The following AVL9 variants were observed in gnomAD, a reference collection of about 807,000 sequenced individuals.
The protein encoded by AVL9 is AVL9 cell migration associated.
In AVL9, 49 loss-of-function variants were observed where a neutral mutation model predicts 79.2. That is an observed-to-expected ratio of 0.62 (90% CI 0.49 to 0.79). The LOEUF (loss-of-function observed/expected upper bound fraction) is 0.79. AVL9 is among the 30% of genes least tolerant of loss of function. The probability of loss-of-function intolerance (pLI) is 0.00; values close to 1 mark genes in which losing one functional copy is unlikely to be tolerated. For missense variants in AVL9, 682 were observed against 776.8 expected (o/e 0.88, Z 1.45); for synonymous variants, 299 against 280.6 (o/e 1.07, Z -0.65).
rs1791862195 is a variant in AVL9 at position 32,587,789 on chromosome 7, T to G, written c.*3882T>G. On this transcript the variant is annotated 3_prime_UTR_variant, in exon 16 of 16. Transcript: ENST00000318709. ...GTGAGGAGTTTTCTCATTCCAGTTC[T>G]TTGGACTTCGTAACATTGGAATTGT... is the stretch of plus-strand genomic sequence containing the variant. 1 of 152,230 alleles carries G rather than the reference T, an allele frequency of 6.6e-6. No individual in the cohort carries two copies. The highest frequency in any genetic ancestry group is 6.5e-5 in the Admixed American group (1 of 15,284). 9.4% of individuals were successfully genotyped at this position (152,230 alleles called of 1,614,324 possible). A position where few individuals can be genotyped will look rare whatever the true frequency, so the allele number is the denominator to read the frequency against.
Position 32,575,845 on chromosome 7 carries a change from T to A in AVL9, c.1571-110T>A, listed in dbSNP as rs1791070407. 7 of 711,562 alleles carry A rather than the reference T, an allele frequency of 9.8e-6. No individual in the cohort carries two copies. The Admixed American group carries it at 1.4e-4, about 14-fold the overall frequency. 44.1% of individuals were successfully genotyped at this position (711,562 alleles called of 1,614,324 possible). A position where few individuals can be genotyped will look rare whatever the true frequency, so the allele number is the denominator to read the frequency against. On this transcript the variant is annotated intron_variant, in intron 12 of 15. Transcript: ENST00000318709. ...ATCTGGTAGGCTATCTCCCCACAAATATGGGAGGGCAAGGGGATAAAGTCG... is the reference window on the plus strand; with the variant it reads ...ATCTGGTAGGCTATCTCCCCACAAAAATGGGAGGGCAAGGGGATAAAGTCG...
At chr7:32,579,459 T>TATATATA (rs1219410474) in intron 13 of AVL9, among the ~76,000 whole-genome samples, 1 of 5,388 alleles carries the variant, frequency 1.9e-4, no homozygotes, top group Non-Finnish European at 2.7e-4. Context: ...TATTATATAT[T>TATATATA]ATATATAATA....
intron 1 of AVL9, among the ~76,000 whole-genome samples, chr7:32,508,056 C>G (rs1052107482): frequency 6.6e-6 from 1 of 152,138 alleles, no homozygotes; most frequent in Non-Finnish European, 1.5e-5. Flanking sequence ...AAATCTTATC[C>G]TGTTTTTCAA....
intron 1 of AVL9, among the ~76,000 whole-genome samples, chr7:32,539,472 G>A (rs1419728452): frequency 2.0e-5 from 3 of 152,010 alleles, no homozygotes; most frequent in East Asian, 1.9e-4. Flanking sequence ...TCATTAACTT[G>A]TTCTCTCAAA....
chr7:32,496,933 T>G (rs1277398740), intron 1 of AVL9, among the ~76,000 whole-genome samples: 1 of 152,168 alleles, frequency 6.6e-6, no homozygotes, highest in Non-Finnish European at 1.5e-5. Context: ...AAACACTGTC[T>G]CCACAAAAAA....
At position 32,541,226 on chromosome 7, in the gene AVL9, G is replaced by A. The variant is rs908789238; in HGVS notation, c.94-1915G>A. ...TGTACTACTTTTTTTAGAATTTTCT[G>A]TATTAAACTTTTTGGACCCTAAAGA... is the stretch of plus-strand genomic sequence containing the variant. On this transcript the variant is annotated intron_variant, in intron 1 of 15. Transcript: ENST00000318709. Among the ~76,000 whole-genome samples the A allele has an allele frequency of 1.3e-5, 2 of 151,540 alleles. 1 individual carries two copies. Among genetic ancestry groups the A allele is most frequent in the East Asian group, 3.9e-4 (2 of 5,178 alleles).
intron 10 of AVL9, among the ~76,000 whole-genome samples, chr7:32,561,724 GCTAA>G (rs556378699): frequency 3.2e-4 from 46 of 145,834 alleles, no homozygotes; most frequent in African/African-American, 1.0e-3. Flanking sequence ...CGACAACTTG[GCTAA>G]CTGTTTGGTG....
Position 32,559,451 on chromosome 7 carries a change from C to A in AVL9, c.1202C>A (p.Ala401Asp). 6.5e-7 allele frequency: 1 copy of A among 1,542,582 alleles called. No individual in the cohort carries two copies. The highest frequency in any genetic ancestry group is 8.7e-7 in the Non-Finnish European group (1 of 1,147,688). ...GAGGATCAGTATGGCATGCCCCTGG[C>A]CATCTTCACAAAGGTAAAGTGTAAT... ...LEEDQYGMPL[A>D]IFTKGYLCLP... The change falls in exon 10 of 16, where the codon GCC becomes GAC. Residue 401 changes from alanine to aspartate, a missense_variant. Coordinates refer to ENST00000318709, the MANE Select transcript of AVL9 (RefSeq NM_015060.3).
rs1789659228 is a variant in AVL9, at chr7:32,548,847, G to A, written c.301G>A (p.Ala101Thr). The change falls in exon 4 of 16, where the codon GCA becomes ACA. Residue 101 changes from alanine to threonine, a missense_variant and splice_region_variant. By Grantham distance (58) the Ala-to-Thr change is moderately conservative (BLOSUM62 0). Coordinates refer to ENST00000318709, the MANE Select transcript of AVL9 (RefSeq NM_015060.3). ...ISCYRQIEAK[A>T]LKVRQADITR... Reference sequence around the variant, plus strand: ...ATAAATTGCTCTTTGTTCATAATAGGCACTGAAAGTAAGGCAAGCAGATAT... The same window carrying A: ...ATAAATTGCTCTTTGTTCATAATAGACACTGAAAGTAAGGCAAGCAGATAT... The A allele has an allele frequency of 7.7e-6, 12 of 1,560,038 alleles. No individual in the cohort carries two copies. The highest frequency in any genetic ancestry group is 1.0e-5 in the Non-Finnish European group (12 of 1,156,378).
At chr7:32,532,268 G>C (rs566274993) in intron 1 of AVL9, 1 of 152,148 alleles carries the variant, frequency 6.6e-6, no homozygotes, top group African/African-American at 2.4e-5. Context: ...ATCTAGCTGC[G>C]TCTCTCTGCC....
intron 1 of AVL9, among the ~76,000 whole-genome samples, chr7:32,502,303 G>A (rs1194726956): frequency 2.0e-5 from 3 of 148,586 alleles, no homozygotes; most frequent in African/African-American, 7.4e-5. Flanking sequence ...TGAAGCAGGA[G>A]TATCACTTGA....
At chr7:32,548,049 A>C (rs1264479139) in intron 3 of AVL9, among the ~76,000 whole-genome samples, 1 of 152,244 alleles carries the variant, frequency 6.6e-6, no homozygotes, top group Non-Finnish European at 1.5e-5. Flanking sequence ...GCTGGGCGCC[A>C]ATACAAGTGT....
chr7:32,570,076 C>T lies in AVL9; in HGVS notation c.1272C>T (p.Val424=). Reference sequence around the variant, plus strand: ...AGCAGCATCATCTTCTCTCCGATGTCACCGTTCGGGGGTTTGTTGCTGGAG... The same window carrying T: ...AGCAGCATCATCTTCTCTCCGATGTTACCGTTCGGGGGTTTGTTGCTGGAG... ...ALQQHHLLSD[V]TVRGFVAGAT... The change falls in exon 11 of 16, where the codon GTC becomes GTT. Residue 424 remains valine (V), a synonymous_variant. Transcript: ENST00000318709. 1 of 1,614,186 alleles carries T rather than the reference C, an allele frequency of 6.2e-7. No homozygotes were observed. The highest frequency in any genetic ancestry group is 8.5e-7 in the Non-Finnish European group (1 of 1,180,028).
intron 1 of AVL9, chr7:32,537,023 C>T (rs1788943538): frequency 6.6e-6 from 1 of 152,160 alleles, no homozygotes; most frequent in Non-Finnish European, 1.5e-5. Flanking sequence ...GGTTTCATTA[C>T]ATAGGCGTGA....
At chr7:32,558,013 G>C (rs1406404524) in intron 8 of AVL9, among the ~76,000 whole-genome samples, 1 of 151,534 alleles carries the variant, frequency 6.6e-6, no homozygotes, top group Non-Finnish European at 1.5e-5. Context: ...GTGCCACCAT[G>C]CCTGGCTAAT....
intron 5 of AVL9, among the ~76,000 whole-genome samples, chr7:32,551,719 T>C (rs1024121274): frequency 6.6e-6 from 1 of 151,814 alleles, no homozygotes; most frequent in African/African-American, 2.4e-5. Flanking sequence ...GTAAATTTGC[T>C]TATCTTATTA....
intron 1 of AVL9, among the ~76,000 whole-genome samples, chr7:32,507,681 A>T (rs10951337): frequency 0.016 from 2,391 of 152,270 alleles, 75 homozygotes; most frequent in African/African-American, 0.054. Flanking sequence ...CATCATGGGC[A>T]TTACAAATAA....
intron 13 of AVL9, among the ~76,000 whole-genome samples, chr7:32,578,868 A>T (rs1004937846): frequency 3.3e-5 from 5 of 152,254 alleles, no homozygotes; most frequent in African/African-American, 1.2e-4. Flanking sequence ...AAATATTTCA[A>T]ACTAATTATA....
chr7:32,503,319 G>GATATATAT (rs371363185), intron 1 of AVL9, among the ~76,000 whole-genome samples: 184 of 120,222 alleles, frequency 1.5e-3, no homozygotes, highest in Middle Eastern at 4.2e-3. Context: ...TCTACTAAAA[G>GATATATAT]ATATATATAT....
Sources: gnomAD v4.1 joint callset for allele counts (sites outside exome capture counted in the v4.1 genomes callset) on GRCh38, gnomAD v4.1.1 for gene constraint, MANE v1.5 for transcripts, NCBI Gene and HGNC (gene_info 2026-07-23, HGNC 2026-07-21) for gene names.